Variants in MICAL2 observed in about 807,000 individuals in gnomAD.
MICAL2 encodes the protein microtubule associated monooxygenase, calponin and LIM domain containing 2.
A neutral mutation model predicts 127.3 loss-of-function variants in MICAL2; 77 were observed. The observed-to-expected ratio is 0.60, with a 90% confidence interval of 0.50 to 0.73. The LOEUF (loss-of-function observed/expected upper bound fraction) is 0.73. Ranked by LOEUF, MICAL2 falls within the 30% of genes least tolerant of loss-of-function variation. MICAL2 has a pLI of 0.00. For synonymous variants in MICAL2, 570 were observed against 551.1 expected (o/e 1.03, Z -0.48); for missense variants, 1,351 against 1,434.4 (o/e 0.94, Z 0.94).
chr11:12,165,151 A>AG lies in MICAL2; in HGVS notation c.264+2732_264+2733insG, dbSNP rs373427685. Among the ~76,000 whole-genome samples, 395 of 128,338 alleles carry AG rather than the reference A, an allele frequency of 3.1e-3. 2 individuals carry two copies. Among genetic ancestry groups the AG allele is most frequent in the African/African-American group, 0.011 (373 of 34,708 alleles). The allele number at this position is 128,338 out of a possible 152,430, so 84.2% of individuals were successfully genotyped here. On this transcript the variant is annotated intron_variant, in intron 3 of 27. Coordinates refer to ENST00000683283, the MANE Select transcript of MICAL2 (RefSeq NM_001282663.2). ...GAGACTCCATCTCAAAAAAAAAAAA[A>AG]AAAAGAAAAGAAAGAAAGAAAGAAA...
chr11:12,141,294 G>C (rs1032491380), intron 2 of MICAL2, among the ~76,000 whole-genome samples: 22 of 152,162 alleles, frequency 1.4e-4, no homozygotes, highest in African/African-American at 5.3e-4. Flanking sequence ...GGGGCCTTCA[G>C]ATTTCTTATT....
intron 2 of MICAL2, among the ~76,000 whole-genome samples, chr11:12,142,948 G>A (rs1303474584): frequency 6.6e-6 from 1 of 150,986 alleles, no homozygotes; most frequent in African/African-American, 2.4e-5. Context: ...ATTTATCATG[G>A]GACTTCCAAA....
At chr11:12,277,974 C>T (rs1417455002) in intron 1 of MICAL2, among the ~76,000 whole-genome samples, 1 of 152,072 alleles carries the variant, frequency 6.6e-6, no homozygotes, top group African/African-American at 2.4e-5. Context: ...TATATATAAA[C>T]ATAGAAAAGG....
At chr11:12,294,458 C>T (rs982557531), downstream of MICAL2, 3 of 1,614,102 alleles carry the variant, frequency 1.9e-6, no homozygotes, top group Non-Finnish European at 2.5e-6. Flanking sequence ...TGACCCTGCC[C>T]TCCGCACCCA....
intron 21 of MICAL2, among the ~76,000 whole-genome samples, chr11:12,245,142 T>C (rs1860555410): frequency 6.6e-6 from 1 of 152,172 alleles, no homozygotes; most frequent in African/African-American, 2.4e-5. Context: ...GGCTGGCCTC[T>C]GGAATGAATG....
intron 24 of MICAL2, among the ~76,000 whole-genome samples, chr11:12,258,189 C>T (rs1862589384): frequency 6.6e-6 from 1 of 152,140 alleles, no homozygotes; most frequent in South Asian, 2.1e-4. Context: ...GGCATGCCAC[C>T]CTACGGGAGC....
In MICAL2 at chr11:12,236,138, T is replaced by G. The variant is rs754137573; in HGVS notation, c.1996-39T>G. Reference sequence around the variant, plus strand: ...ATCTTAGTGGGACTGAAGCCCTTGGTGGCCCCCAGAGCTCACCCTGCTTTC... The same window carrying G: ...ATCTTAGTGGGACTGAAGCCCTTGGGGGCCCCCAGAGCTCACCCTGCTTTC... On this transcript the variant is annotated intron_variant, in intron 15 of 27. Coordinates refer to ENST00000683283, the MANE Select transcript of MICAL2 (RefSeq NM_001282663.2). 7.0e-6 allele frequency: 11 copies of G among 1,579,034 alleles called. No homozygotes were observed. The Admixed American group carries it at 1.0e-4, about 14-fold the overall frequency.
At chr11:12,298,491 T>C (rs1421830717) in intron 29 of MICAL2, among the ~76,000 whole-genome samples, 1 of 152,178 alleles carries the variant, frequency 6.6e-6, no homozygotes, top group Non-Finnish European at 1.5e-5. Context: ...CTTGTCTCCC[T>C]GGTTTCTTTT....
chr11:12,223,586 G>A, intron 12 of MICAL2, 85 bp downstream of exon 12: 1 of 1,215,096 alleles, frequency 8.2e-7, no homozygotes, highest in African/African-American at 1.5e-5. Flanking sequence ...GGTGACACAG[G>A]CACTGCAACC....
At chr11:12,186,310 C>T (rs1410781498) in intron 3 of MICAL2, among the ~76,000 whole-genome samples, 1 of 151,856 alleles carries the variant, frequency 6.6e-6, no homozygotes, top group African/African-American at 2.4e-5. Context: ...AGAAGGAACT[C>T]TCAAAGTTCA....
At chr11:12,302,892 A>G (rs781688033) in intron 29 of MICAL2, among the ~76,000 whole-genome samples, 39 of 152,214 alleles carry the variant, frequency 2.6e-4, no homozygotes, top group Admixed American at 4.6e-4. Context: ...TCACACTGCT[A>G]TGAAGAAATA....
At chr11:12,350,946 G>C (rs1163300805) in intron 33 of MICAL2, among the ~76,000 whole-genome samples, 1 of 152,016 alleles carries the variant, frequency 6.6e-6, no homozygotes, top group African/African-American at 2.4e-5. Context: ...ACTTTTTCTG[G>C]CTCCAGGCTT....
At chr11:12,113,003 G>A (rs1462024120) in intron 1 of MICAL2, among the ~76,000 whole-genome samples, 3 of 152,080 alleles carry the variant, frequency 2.0e-5, no homozygotes, top group Non-Finnish European at 4.4e-5. Flanking sequence ...TAGAGGTCTT[G>A]TCTTCTTGGT....
chr11:12,147,925 C>T (rs1853121393), intron 2 of MICAL2, among the ~76,000 whole-genome samples: 1 of 152,138 alleles, frequency 6.6e-6, no homozygotes, highest in Non-Finnish European at 1.5e-5. Flanking sequence ...ACTTCCTGGG[C>T]GAATCTGCCC....
At chr11:12,206,315 A>C (rs1854677250) in intron 4 of MICAL2, among the ~76,000 whole-genome samples, 2 of 151,956 alleles carry the variant, frequency 1.3e-5, no homozygotes, top group South Asian at 4.2e-4. Context: ...CTTTCATTGA[A>C]CCCCTAGTCC....
intron 29 of MICAL2, among the ~76,000 whole-genome samples, chr11:12,307,379 G>C (rs11022287): frequency 0.6 from 91,672 of 152,002 alleles, 28,681 homozygotes; most frequent in Non-Finnish European, 0.7. Flanking sequence ...TCAGTGGATT[G>C]TTGTTTCATT....
At chr11:12,268,817 T>C (rs12292175) in intron 24 of MICAL2, among the ~76,000 whole-genome samples, 19,391 of 145,730 alleles carry the variant, frequency 0.13, 3,132 homozygotes, top group African/African-American at 0.4. Context: ...GGTGAAACAC[T>C]GTCTCTACTA....
chr11:12,193,486 A>G (rs1416197012), intron 3 of MICAL2, among the ~76,000 whole-genome samples: 9 of 152,216 alleles, frequency 5.9e-5, no homozygotes, highest in African/African-American at 2.2e-4. Context: ...GCTGTTGTCC[A>G]TGGATAGGAT....
At chr11:12,221,948 T>TA (rs535277354) in intron 10 of MICAL2, among the ~76,000 whole-genome samples, 189 bp downstream of exon 10, 34 of 152,324 alleles carry the variant, frequency 2.2e-4, no homozygotes, top group Admixed American at 1.7e-3. Flanking sequence ...ATCTGACTCT[T>TA]ACAGTGACTT....
Sources: allele counts gnomAD v4.1 joint callset (sites outside exome capture counted in the v4.1 genomes callset), GRCh38; gene constraint gnomAD v4.1.1; transcripts MANE v1.5; gene names NCBI Gene and HGNC (gene_info 2026-07-23, HGNC 2026-07-21).